ACOT11: variants seen among roughly 807,000 people sequenced by gnomAD.
ACOT11 encodes the protein acyl-CoA thioesterase 11.
A neutral mutation model predicts 77.5 loss-of-function variants in ACOT11; 69 were observed. The observed-to-expected ratio is 0.89, with a 90% CI of 0.73 to 1.09. The LOEUF is 1.09. ACOT11 is among the 50% of genes least tolerant of loss of function. The probability of loss-of-function intolerance (pLI) is 0.00; values close to 1 mark genes in which losing one functional copy is unlikely to be tolerated. For synonymous variants in ACOT11, 279 were observed against 313.0 expected, an observed-to-expected ratio of 0.89 and a Z score of 1.15; for missense variants, 766 against 813.7, an observed-to-expected ratio of 0.94 and a Z score of 0.71.
chr1:54,625,664 G>A (rs1193924853), intron 15 of ACOT11, among the ~76,000 whole-genome samples: 5 of 152,110 alleles, frequency 3.3e-5, no homozygotes, highest in South Asian at 2.1e-4. Flanking sequence ...TGAGCCAGGC[G>A]CGGTGGCTCA....
downstream of ACOT11, chr1:54,611,852 G>T: frequency 7.4e-7 from 1 of 1,347,454 alleles, no homozygotes; most frequent in Non-Finnish European, 1.0e-6. Context: ...TAGAGCATCT[G>T]TCCTCCAGTC....
chr1:54,577,493 CATTT>C (rs1196596813), intron 1 of ACOT11, among the ~76,000 whole-genome samples: 1 of 151,312 alleles, frequency 6.6e-6, no homozygotes, highest in African/African-American at 2.4e-5. Context: ...AATAACCATT[CATTT>C]GATAAAGATA....
chr1:54,611,540 G>T (rs1392891658), downstream of ACOT11: 3 of 1,552,762 alleles, frequency 1.9e-6, no homozygotes, highest in Non-Finnish European at 2.6e-6. Flanking sequence ...CTCTGCTCCA[G>T]TGCCCACCAG....
At chr1:54,558,618 C>G (rs1364247512) in intron 1 of ACOT11, among the ~76,000 whole-genome samples, 1 of 152,212 alleles carries the variant, frequency 6.6e-6, no homozygotes, top group Non-Finnish European at 1.5e-5. Flanking sequence ...CCAAGGGGAA[C>G]AGAATCCATT....
chr1:54,579,641 C>T (rs1654234131), intron 1 of ACOT11, among the ~76,000 whole-genome samples: 1 of 152,196 alleles, frequency 6.6e-6, no homozygotes, highest in African/African-American at 2.4e-5. Flanking sequence ...ACAATGGGGC[C>T]TTTCATGGGG....
intron 1 of ACOT11, among the ~76,000 whole-genome samples, chr1:54,570,760 G>T (rs1366694838): frequency 6.6e-6 from 1 of 150,724 alleles, no homozygotes; most frequent in African/African-American, 2.4e-5. Flanking sequence ...GGCTCATTGT[G>T]ACCTCTACCT....
chr1:54,604,495 C>T (rs148824909), intron 12 of ACOT11, 66 bp downstream of exon 12: 11 of 1,404,062 alleles, frequency 7.8e-6, no homozygotes, highest in East Asian at 2.3e-5. Flanking sequence ...TGGCAAGCAA[C>T]AAGAACTCTC....
rs1644044718 is a variant in ACOT11 at position 54,607,647 on chromosome 1, A to C, written c.1503-295A>C. Among the ~76,000 whole-genome samples, 1 of 152,090 alleles carries C rather than the reference A, an allele frequency of 6.6e-6. No individual in the cohort carries two copies. The highest frequency in any genetic ancestry group is 2.4e-5 in the African/African-American group (1 of 41,396). On this transcript the variant is annotated intron_variant, in intron 14 of 15. Coordinates refer to ENST00000343744, the MANE Select transcript of ACOT11 (RefSeq NM_147161.4). This position sits in a 1 kb window ranked among gnomAD's most constrained non-coding sequence, Gnocchi z 4.5. ...TGCTGGAGAGACAGGGACAGAAAAAAAATCCCAAAGCCCACGAGTCTTCCC... is the reference window on the plus strand; with the variant it reads ...TGCTGGAGAGACAGGGACAGAAAAACAATCCCAAAGCCCACGAGTCTTCCC...
At chr1:54,620,091 G>C in intron 15 of ACOT11, 1 of 1,447,624 alleles carries the variant, frequency 6.9e-7, no homozygotes. Context: ...ACCCTCCCTG[G>C]GCTCCCACTG....
intron 1 of ACOT11, 65 bp downstream of exon 1, chr1:54,548,407 G>A (rs1652947896): frequency 6.5e-7 from 1 of 1,546,148 alleles, no homozygotes; most frequent in Non-Finnish European, 8.8e-7. Context: ...AGAGATTGAT[G>A]TTTCCATTTT....
chr1:54,569,506 C>T (rs1322128362), intron 1 of ACOT11, among the ~76,000 whole-genome samples: 1 of 152,156 alleles, frequency 6.6e-6, no homozygotes, highest in Non-Finnish European at 1.5e-5. Context: ...CTGTTTTCCC[C>T]TTCACAGGAC....
downstream of ACOT11, chr1:54,610,562 G>A (rs1644107174): frequency 6.2e-7 from 1 of 1,609,052 alleles, no homozygotes; most frequent in Non-Finnish European, 8.5e-7. Context: ...TTCACTGTGG[G>A]GCCCCAAATC....
chr1:54,575,518 C>T lies in ACOT11; in HGVS notation c.34-9137C>T, dbSNP rs549240427. 5.3e-5 allele frequency among the ~76,000 whole-genome samples: 8 copies of T among 152,190 alleles called. No homozygotes were observed. The East Asian group carries it at 1.4e-3, about 26-fold the overall frequency. The stretch of plus-strand genomic sequence containing the variant: ...GGAGAACCTTGTCTGACCTCAAGGT[C>T]CATATTCTCCCTGCCTGTGTGGGGT... On this transcript the variant is annotated intron_variant, in intron 1 of 15. Coordinates refer to ENST00000343744, the MANE Select transcript of ACOT11 (RefSeq NM_147161.4).
chr1:54,548,979 A>G (rs983743078), intron 1 of ACOT11, among the ~76,000 whole-genome samples: 1 of 152,146 alleles, frequency 6.6e-6, no homozygotes. Flanking sequence ...GAGTGTATGG[A>G]GATGGGCTCA....
chr1:54,616,128 C>CGA, intron 15 of ACOT11: 1 of 1,614,078 alleles, frequency 6.2e-7, no homozygotes, highest in Non-Finnish European at 8.5e-7. Flanking sequence ...TTGGCTGTGC[C>CGA]GAGCCCTTCT....
intron 1 of ACOT11, among the ~76,000 whole-genome samples, chr1:54,579,366 G>A (rs1655527): frequency 0.12 from 18,199 of 152,112 alleles, 2,603 homozygotes; most frequent in African/African-American, 0.35. Flanking sequence ...CCTAGTGCAC[G>A]TGCATCCTGT....
intron 8 of ACOT11, among the ~76,000 whole-genome samples, chr1:54,600,503 C>T (rs1238050290): frequency 6.6e-6 from 1 of 152,098 alleles, no homozygotes; most frequent in Non-Finnish European, 1.5e-5. Context: ...GCCAACATGG[C>T]GAAACCCCGT....
chr1:54,575,163 G>A (rs891028510), intron 1 of ACOT11, among the ~76,000 whole-genome samples: 1 of 152,204 alleles, frequency 6.6e-6, no homozygotes, highest in Non-Finnish European at 1.5e-5. Context: ...GGCTGTGCTC[G>A]AGCTCTGGCT....
chr1:54,602,746 G>A (rs1311734045), intron 10 of ACOT11, 22 bp downstream of exon 10: 1 of 1,518,484 alleles, frequency 6.6e-7, no homozygotes, highest in East Asian at 2.5e-5. Context: ...CTGAGTGGTG[G>A]GCAGAATGTG....
Sources: gnomAD v4.1 joint callset for allele counts (sites outside exome capture counted in the v4.1 genomes callset) on GRCh38, gnomAD v4.1.1 for gene constraint, Gnocchi (gnomAD v3.1) non-coding constraint, MANE v1.5 for transcripts, NCBI Gene and HGNC (gene_info 2026-07-23, HGNC 2026-07-21) for gene names.